The following GRID2 variants were observed in gnomAD, a reference collection of about 807,000 sequenced individuals.
GRID2 encodes the protein glutamate receptor ionotropic, delta-2.
A neutral mutation model predicts 114.8 loss-of-function variants in GRID2; 33 were observed. The observed-to-expected ratio is 0.29, with a 90% CI of 0.22 to 0.38. GRID2 has a LOEUF of 0.38. Among genes scored for constraint, GRID2 ranks in the 10% least tolerant of loss-of-function variants. The pLI, the probability that GRID2 is intolerant of heterozygous loss-of-function variation, is 1.00. For synonymous variants in GRID2, 505 were observed against 449.9 expected (o/e 1.12, Z -1.55); for missense variants, 1,184 against 1,257.7 (o/e 0.94, Z 0.89).
At chr4:93,347,380 T>C (rs1443437424) in intron 8 of GRID2, among the ~76,000 whole-genome samples, 1 of 152,118 alleles carries the variant, frequency 6.6e-6, no homozygotes, top group Non-Finnish European at 1.5e-5. Context: ...AAAACATAAT[T>C]TTATTACACC....
chr4:93,701,916 GATAAT>G (rs1330314441), intron 14 of GRID2, among the ~76,000 whole-genome samples: 1 of 151,938 alleles, frequency 6.6e-6, no homozygotes, highest in Non-Finnish European at 1.5e-5. Flanking sequence ...ACATATTTAA[GATAAT>G]ATAATCAGTA....
rs1386712819 is a variant in GRID2 at position 93,518,423 on chromosome 4, A to G, written c.2193+3012A>G. ...TTTAACCAAGATCTTTTGCATAAGT[A>G]GAAAAAATATGATTTTTAAAATGCA... On this transcript the variant is annotated intron_variant, in intron 13 of 15. Transcript: ENST00000282020. Among the ~76,000 whole-genome samples the G allele has an allele frequency of 3.3e-5, 5 of 152,256 alleles. No homozygotes were observed. In the East Asian group the frequency reaches 9.7e-4, roughly 29 times the overall value.
intron 2 of GRID2, among the ~76,000 whole-genome samples, chr4:92,607,650 T>A (rs1729524362): frequency 6.6e-6 from 1 of 151,824 alleles, no homozygotes. Flanking sequence ...TAAGTGCTAA[T>A]GAACAGCAAA....
At position 93,395,698 on chromosome 4, in the gene GRID2, TA is replaced by T; in HGVS notation, c.1339del (p.Thr447LeufsTer8). ...NNMRGVVLRVVTVLEEPFVMV... is the reference protein window; with the variant it reads ...NNMRGVVLRVXTVLEEPFVMV... ...ATGCGTGGAGTGGTTCTACGTGTAG[TA>T]ACTGTTCTGGTAAGTATTATCTGAG... On this transcript the variant is annotated frameshift_variant, in exon 9 of 16. Coordinates refer to ENST00000282020, the MANE Select transcript of GRID2 (RefSeq NM_001510.4). LOFTEE classifies it high-confidence loss of function. 2 of 1,472,912 alleles carry T rather than the reference TA, an allele frequency of 1.4e-6. No individual in the cohort carries two copies. The highest frequency in any genetic ancestry group is 1.9e-6 in the Non-Finnish European group (2 of 1,052,472). The allele number at this position is 1,472,912 out of a possible 1,614,324, so 91.2% of individuals were successfully genotyped here.
intron 2 of GRID2, among the ~76,000 whole-genome samples, chr4:92,675,624 C>T (rs1733311424): frequency 6.6e-6 from 1 of 151,074 alleles, no homozygotes; most frequent in Non-Finnish European, 1.5e-5. Context: ...GATCTTGGCT[C>T]ACTGCAAGCT....
intron 1 of GRID2, among the ~76,000 whole-genome samples, chr4:92,410,390 C>CA (rs1345698749): frequency 1.3e-5 from 2 of 152,162 alleles, no homozygotes; most frequent in Non-Finnish European, 2.9e-5. Flanking sequence ...AGAATATGTA[C>CA]AAAAAACTTA....
chr4:92,665,826 T>C (rs768392612), intron 2 of GRID2, among the ~76,000 whole-genome samples: 1 of 151,338 alleles, frequency 6.6e-6, no homozygotes, highest in African/African-American at 2.4e-5. Context: ...AAATTACTTT[T>C]CTATTTATGA....
intron 2 of GRID2, among the ~76,000 whole-genome samples, chr4:92,812,512 T>C (rs1740709949): frequency 6.6e-6 from 1 of 152,238 alleles, no homozygotes; most frequent in East Asian, 1.9e-4. Context: ...ATTTTACATG[T>C]ATATTTTCAT....
At chr4:92,600,924 C>G (rs556450454) in intron 2 of GRID2, among the ~76,000 whole-genome samples, 1 of 152,210 alleles carries the variant, frequency 6.6e-6, no homozygotes, top group Admixed American at 6.5e-5. Context: ...AGGAAGTGCA[C>G]TGTGCTGGGG....
At position 93,517,988 on chromosome 4, in the gene GRID2, TATAC is replaced by T. The variant is rs1210493118; in HGVS notation, c.2193+2584_2193+2587del. Among the ~76,000 whole-genome samples, 9 of 17,246 alleles carry T rather than the reference TATAC, an allele frequency of 5.2e-4. No homozygotes were observed. The South Asian group carries it at 6.3e-3, about 12-fold the overall frequency. 11.3% of individuals were successfully genotyped at this position (17,246 alleles called of 152,430 possible). On this transcript the variant is annotated intron_variant, in intron 13 of 15. Transcript: ENST00000282020. Reference sequence around the variant, plus strand: ...ATATACATACATGTACATGTATGTATATACATACATGTATATGTATGTATATACA... The same window carrying T: ...ATATACATACATGTACATGTATGTATATACATGTATATGTATGTATATACA...
intron 2 of GRID2, among the ~76,000 whole-genome samples, chr4:92,776,506 G>GC (rs1401457146): frequency 5.9e-5 from 9 of 152,226 alleles, no homozygotes; most frequent in Non-Finnish European, 1.3e-4. Context: ...GGGTATGTGT[G>GC]TGAGGGTGTG....
chr4:92,915,414 T>C (rs1386160320), intron 2 of GRID2, among the ~76,000 whole-genome samples: 5 of 152,174 alleles, frequency 3.3e-5, no homozygotes, highest in Non-Finnish European at 7.3e-5. Flanking sequence ...TCAAATGTTC[T>C]GGTTTTTCAT....
Position 93,769,284 on chromosome 4 carries a change from A to G in GRID2, c.2435A>G (p.Asp812Gly), listed in dbSNP as rs1252289906. The change falls in exon 15 of 16, where the codon GAC (aspartate) becomes GGC (glycine). Residue 812 changes from aspartate to glycine, a missense_variant. Asp to Gly is a moderately conservative substitution (Grantham distance 94). Transcript: ENST00000282020. ...HKWWPKNGQCDLYSSVDTKQK... is the reference protein window; with the variant it reads ...HKWWPKNGQCGLYSSVDTKQK... ...TGGTGGCCTAAGAATGGCCAGTGTG[A>G]CCTGTACTCGTCAGTGGACACAAAG... is the stretch of plus-strand genomic sequence containing the variant. The G allele has an allele frequency of 1.9e-6, 3 of 1,614,044 alleles. No homozygotes were observed. Among genetic ancestry groups the G allele is most frequent in the South Asian group, 2.2e-5 (2 of 91,088 alleles).
chr4:93,584,837 G>C (rs1737368988), intron 13 of GRID2, among the ~76,000 whole-genome samples: 2 of 152,030 alleles, frequency 1.3e-5, no homozygotes, highest in African/African-American at 4.8e-5. Flanking sequence ...TCAGTCAAAA[G>C]GAGCTAAATC....
At chr4:93,756,155 GAGA>G (rs1305755176) in intron 14 of GRID2, among the ~76,000 whole-genome samples, 19 of 152,166 alleles carry the variant, frequency 1.2e-4, no homozygotes, top group Admixed American at 7.9e-4. Context: ...TATTAACGAG[GAGA>G]AGAAGAAGCA....
At chr4:92,592,461 T>A (rs1243520557) in intron 2 of GRID2, among the ~76,000 whole-genome samples, 1 of 152,144 alleles carries the variant, frequency 6.6e-6, no homozygotes. Flanking sequence ...GACAGTTTTT[T>A]AAATACTACA....
At chr4:92,386,305 G>A (rs1355082032) in intron 1 of GRID2, among the ~76,000 whole-genome samples, 1 of 151,570 alleles carries the variant, frequency 6.6e-6, no homozygotes, top group African/African-American at 2.4e-5. Flanking sequence ...CATGCTGAGG[G>A]CATCGCTAAT....
intron 2 of GRID2, among the ~76,000 whole-genome samples, chr4:92,866,099 T>C (rs1744841818): frequency 6.6e-6 from 1 of 152,208 alleles, no homozygotes; most frequent in Admixed American, 6.5e-5. Flanking sequence ...ACTCTCTTGG[T>C]CCGGCACCCT....
intron 2 of GRID2, among the ~76,000 whole-genome samples, chr4:92,837,403 CA>C (rs1742534385): frequency 6.7e-6 from 1 of 148,736 alleles, no homozygotes; most frequent in South Asian, 2.2e-4. Context: ...ACACTACCTT[CA>C]AAAAAATTGG....
Sources: gnomAD v4.1 joint callset for allele counts (sites outside exome capture counted in the v4.1 genomes callset) on GRCh38, gnomAD v4.1.1 for gene constraint, MANE v1.5 for transcripts, NCBI Gene and HGNC (gene_info 2026-07-23, HGNC 2026-07-21) for gene names.